The following KCNQ5 variants were observed in gnomAD, a reference collection of about 807,000 sequenced individuals.
KCNQ5 encodes potassium voltage-gated channel subfamily KQT member 5.
A neutral mutation model predicts 98.2 loss-of-function variants in KCNQ5; 30 were observed. The ratio of observed to expected loss-of-function variants is 0.31; its 90% CI spans 0.23 to 0.41. The LOEUF is 0.41. KCNQ5 is among the 10% of genes least tolerant of loss of function. KCNQ5 has a pLI of 1.00. For missense variants in KCNQ5, 835 were observed against 1,182.5 expected (o/e 0.71, Z 4.31); for synonymous variants, 458 against 449.4 (o/e 1.02, Z -0.24).
At chr6:72,682,935 C>T (rs1345587224) in intron 1 of KCNQ5, among the ~76,000 whole-genome samples, 1 of 152,158 alleles carries the variant, frequency 6.6e-6, no homozygotes, top group Non-Finnish European at 1.5e-5. Flanking sequence ...AAAAGAGGAG[C>T]TGATCGCTGC....
At chr6:72,951,482 C>T (rs1030127093) in intron 1 of KCNQ5, among the ~76,000 whole-genome samples, 8 of 146,802 alleles carry the variant, frequency 5.4e-5, no homozygotes, top group Non-Finnish European at 9.0e-5. Flanking sequence ...AGAGGTTTCA[C>T]CCTGTTGGCC....
At chr6:73,124,204 C>T (rs1207096625) in intron 8 of KCNQ5, among the ~76,000 whole-genome samples, 1 of 152,174 alleles carries the variant, frequency 6.6e-6, no homozygotes, top group East Asian at 1.9e-4. Flanking sequence ...TTTTCTTAGC[C>T]ATGGATAGCT....
intron 1 of KCNQ5, among the ~76,000 whole-genome samples, chr6:72,972,155 C>T (rs1228199448): frequency 1.3e-5 from 2 of 152,086 alleles, no homozygotes; most frequent in East Asian, 1.9e-4. Flanking sequence ...TGCCTCAGCC[C>T]CTACCTCTGC....
At chr6:72,774,063 G>GA (rs1026134926) in intron 1 of KCNQ5, among the ~76,000 whole-genome samples, 15 of 149,926 alleles carry the variant, frequency 1.0e-4, no homozygotes, top group African/African-American at 1.7e-4. Context: ...TAGCCTTATG[G>GA]AAAAAAAAAT....
intron 1 of KCNQ5, among the ~76,000 whole-genome samples, chr6:72,694,863 G>A (rs74717872): frequency 2.5e-3 from 381 of 152,114 alleles, no homozygotes; most frequent in African/African-American, 8.8e-3. Flanking sequence ...ACCTTTCCCC[G>A]CTCTATTAGT....
chr6:72,771,112 G>A (rs1772850710), intron 1 of KCNQ5, among the ~76,000 whole-genome samples: 1 of 152,080 alleles, frequency 6.6e-6, no homozygotes, highest in South Asian at 2.1e-4. Context: ...GCCTTCTGGA[G>A]CGTGAGTGGG....
intron 1 of KCNQ5, among the ~76,000 whole-genome samples, chr6:72,676,328 A>AT (rs146139782): frequency 0.17 from 26,624 of 152,162 alleles, 2,472 homozygotes; most frequent in Middle Eastern, 0.28. Context: ...GATTATTTAA[A>AT]TTTTTTATGT....
chr6:72,791,885 G>A (rs1774069026), intron 1 of KCNQ5, among the ~76,000 whole-genome samples: 1 of 152,154 alleles, frequency 6.6e-6, no homozygotes, highest in Non-Finnish European at 1.5e-5. Flanking sequence ...ATCCATGTGA[G>A]GGCAGAGCCC....
At chr6:72,821,900 T>C (rs1171459016) in intron 1 of KCNQ5, among the ~76,000 whole-genome samples, 1 of 152,102 alleles carries the variant, frequency 6.6e-6, no homozygotes, top group East Asian at 1.9e-4. Context: ...GCCATGCTTC[T>C]TATTGCCTAA....
At chr6:73,050,257 GGGAAGGAAGGAAGGAAGGAA>G (rs1208611192) in intron 3 of KCNQ5, among the ~76,000 whole-genome samples, 49 of 76,316 alleles carry the variant, frequency 6.4e-4, no homozygotes, top group African/African-American at 2.8e-3. Context: ...GAAGGAAGGA[GGGAAGGAAGGAAGGAAGGAA>G]GGAAGGAAGG....
intron 1 of KCNQ5, among the ~76,000 whole-genome samples, chr6:72,743,008 T>G (rs918861311): frequency 6.6e-6 from 1 of 152,190 alleles, no homozygotes; most frequent in African/African-American, 2.4e-5. Flanking sequence ...AACTCTCTTT[T>G]TAGGGGTGAA....
chr6:72,909,934 T>C (rs1224040776), intron 1 of KCNQ5, among the ~76,000 whole-genome samples: 3 of 152,218 alleles, frequency 2.0e-5, no homozygotes, highest in African/African-American at 4.8e-5. Flanking sequence ...AAACAAAATG[T>C]GATAATCAGT....
chr6:73,118,410 T>C (rs1476410235), intron 7 of KCNQ5, among the ~76,000 whole-genome samples: 2 of 152,070 alleles, frequency 1.3e-5, no homozygotes, highest in Non-Finnish European at 2.9e-5. Flanking sequence ...TATTCTACTG[T>C]TTCTGGGTAT....
intron 1 of KCNQ5, among the ~76,000 whole-genome samples, chr6:72,713,171 C>T (rs948211266): frequency 6.6e-6 from 1 of 152,188 alleles, no homozygotes; most frequent in African/African-American, 2.4e-5. Flanking sequence ...TCCAAGCAAA[C>T]ATCTTGGCTT....
At chr6:72,889,558 A>G (rs1458198371) in intron 1 of KCNQ5, among the ~76,000 whole-genome samples, 1 of 152,208 alleles carries the variant, frequency 6.6e-6, no homozygotes, top group African/African-American at 2.4e-5. Flanking sequence ...ACCTTGACTC[A>G]GCATCTACTA....
At chr6:73,073,594 G>A (rs1017940189) in intron 3 of KCNQ5, among the ~76,000 whole-genome samples, 2 of 152,198 alleles carry the variant, frequency 1.3e-5, no homozygotes, top group African/African-American at 4.8e-5. Flanking sequence ...GTACATAGTA[G>A]GGACTTGATC....
rs73537799 is a variant in KCNQ5, at chr6:72,726,656, A to G, written c.398+104069A>G. The stretch of plus-strand genomic sequence containing the variant: ...CAGGCATGGCAAATAGGGGGAGATG[A>G]TCAGATGATTAAAAAAGAATGGAGA... On this transcript the variant is annotated intron_variant, in intron 1 of 13. Transcript: ENST00000370398. Among the ~76,000 whole-genome samples, 787 of 152,292 alleles carry G rather than the reference A, an allele frequency of 5.2e-3. 5 individuals carry two copies. Among genetic ancestry groups the G allele is most frequent in the Middle Eastern group, 0.017 (5 of 294 alleles).
chr6:72,813,216 C>G (rs796630712), intron 1 of KCNQ5, among the ~76,000 whole-genome samples: 7 of 152,164 alleles, frequency 4.6e-5, no homozygotes, highest in African/African-American at 1.7e-4. Context: ...TTAAACCAAA[C>G]AAAACTTTTA....
Position 72,950,680 on chromosome 6 carries a change from G to A in KCNQ5, c.399-53228G>A, listed in dbSNP as rs569201919. ...GAGCAGTCCTTCCACAGTTGTGTGT[G>A]TGTCGGAGGGCATTGGAGGGGAAGT... On this transcript the variant is annotated intron_variant, in intron 1 of 13. Transcript: ENST00000370398. Among the ~76,000 whole-genome samples the A allele has an allele frequency of 8.1e-5, 12 of 148,776 alleles. No homozygotes were observed. In the South Asian group the frequency reaches 2.6e-3, roughly 32 times the overall value.
Sources: gnomAD v4.1 joint callset for allele counts (sites outside exome capture counted in the v4.1 genomes callset) on GRCh38, gnomAD v4.1.1 for gene constraint, MANE v1.5 for transcripts, NCBI Gene and HGNC (gene_info 2026-07-23, HGNC 2026-07-21) for gene names.